OXR1: variants seen among roughly 807,000 people sequenced by gnomAD.
OXR1 encodes the protein oxidation resistance protein 1.
A neutral mutation model predicts 104.6 loss-of-function variants in OXR1; 41 were observed. The observed-to-expected ratio is 0.39, with a 90% CI of 0.31 to 0.51. The LOEUF (loss-of-function observed/expected upper bound fraction) is 0.51, where lower values mean the gene tolerates loss of function less well. Among genes scored for constraint, OXR1 ranks in the 20% least tolerant of loss-of-function variants. The pLI is 0.77. For missense variants in OXR1, 955 were observed against 1,031.9 expected (o/e 0.93, Z 1.02); for synonymous variants, 348 against 348.4 (o/e 1.00, Z 0.01).
chr8:106,428,368 G>T (rs1819218813), intron 2 of OXR1, among the ~76,000 whole-genome samples: 1 of 152,188 alleles, frequency 6.6e-6, no homozygotes, highest in Admixed American at 6.5e-5. Flanking sequence ...TTTCCAAAAA[G>T]ACTTTTACCA....
intron 6 of OXR1, among the ~76,000 whole-genome samples, chr8:106,692,525 G>A (rs1829409726): frequency 6.6e-6 from 1 of 152,028 alleles, no homozygotes; most frequent in African/African-American, 2.4e-5. Context: ...TTTAACCTGT[G>A]TTTGTGATCT....
At chr8:106,645,966 C>CGAAA in intron 3 of OXR1, among the ~76,000 whole-genome samples, 1 of 152,166 alleles carries the variant, frequency 6.6e-6, no homozygotes, top group Admixed American at 6.5e-5. Flanking sequence ...CAGTTATAGA[C>CGAAA]TTTCCCCCAA....
intron 13 of OXR1, among the ~76,000 whole-genome samples, 183 bp downstream of exon 13, chr8:106,739,766 A>C (rs1298891703): frequency 6.6e-6 from 1 of 152,220 alleles, no homozygotes; most frequent in African/African-American, 2.4e-5. Context: ...AGATTTAGGT[A>C]AGCAGACACT....
intron 2 of OXR1, among the ~76,000 whole-genome samples, chr8:106,496,044 T>TA (rs1319040781): frequency 6.6e-6 from 1 of 152,152 alleles, no homozygotes; most frequent in African/African-American, 2.4e-5. Context: ...AGAGGTTAAT[T>TA]AAAAAACGGA....
chr8:106,338,023 A>G (rs1664085718), intron 1 of OXR1, among the ~76,000 whole-genome samples: 1 of 152,224 alleles, frequency 6.6e-6, no homozygotes, highest in Admixed American at 6.5e-5. Context: ...ATTTACAAGT[A>G]TAATTCATGA....
chr8:106,620,105 T>G (rs1271606516), intron 3 of OXR1, among the ~76,000 whole-genome samples: 1 of 152,200 alleles, frequency 6.6e-6, no homozygotes. Flanking sequence ...TTATGCATTT[T>G]GCTTCATTGT....
At chr8:106,709,531 C>A (rs1346837833) in intron 9 of OXR1, among the ~76,000 whole-genome samples, 2 of 151,634 alleles carry the variant, frequency 1.3e-5, no homozygotes, top group Non-Finnish European at 2.9e-5. Flanking sequence ...TATTATAAAA[C>A]CTTTGAAAAA....
At chr8:106,536,331 G>T (rs1402609407) in intron 3 of OXR1, among the ~76,000 whole-genome samples, 3 of 152,056 alleles carry the variant, frequency 2.0e-5, no homozygotes, top group Non-Finnish European at 4.4e-5. Context: ...CAAATGATGT[G>T]GCTGTGCTCT....
At chr8:106,666,855 A>G (rs55747837) in intron 3 of OXR1, among the ~76,000 whole-genome samples, 1,745 of 152,292 alleles carry the variant, frequency 0.011, 41 homozygotes, top group African/African-American at 0.039. Flanking sequence ...TTTTATAAGG[A>G]AGTGAACAGA....
intron 2 of OXR1, among the ~76,000 whole-genome samples, chr8:106,395,474 A>G (rs1044409902): frequency 3.3e-5 from 5 of 152,178 alleles, no homozygotes; most frequent in Admixed American, 2.6e-4. Context: ...GAAACCCCAG[A>G]TAAACCCATT....
intron 3 of OXR1, among the ~76,000 whole-genome samples, chr8:106,593,425 A>G (rs185274038): frequency 2.6e-5 from 4 of 152,326 alleles, no homozygotes; most frequent in Admixed American, 2.0e-4. Flanking sequence ...ACAGCACATC[A>G]CATCTAGCAA....
At chr8:106,571,643 C>T (rs905953456) in intron 3 of OXR1, among the ~76,000 whole-genome samples, 1 of 152,088 alleles carries the variant, frequency 6.6e-6, no homozygotes, top group Non-Finnish European at 1.5e-5. Context: ...ATTCCAAGAT[C>T]AACTCTAATG....
At chr8:106,425,939 G>T (rs1475141426) in intron 2 of OXR1, among the ~76,000 whole-genome samples, 1 of 152,180 alleles carries the variant, frequency 6.6e-6, no homozygotes, top group Non-Finnish European at 1.5e-5. Flanking sequence ...TGCAGAGGAG[G>T]TATGTAAGGA....
chr8:106,288,586 A>G (rs1314337349), intron 1 of OXR1, among the ~76,000 whole-genome samples: 1 of 137,452 alleles, frequency 7.3e-6, no homozygotes, highest in Non-Finnish European at 1.5e-5. Flanking sequence ...ATATGTATAT[A>G]CACACCATAT....
rs757563622 is a variant in OXR1, at chr8:106,412,641, A to G, written c.23+53005A>G. ...GTCAGGATTTTAGACCCAAAACTTTATTCTCAAATAAAATTATGTTTATGA... is the reference window on the plus strand; with the variant it reads ...GTCAGGATTTTAGACCCAAAACTTTGTTCTCAAATAAAATTATGTTTATGA... On this transcript the variant is annotated intron_variant, in intron 2 of 16. Coordinates refer to ENST00000517566, the MANE Select transcript of OXR1 (RefSeq NM_001198533.2). Among the ~76,000 whole-genome samples, 45 of 152,108 alleles carry G rather than the reference A, an allele frequency of 3.0e-4. 1 individual carries two copies. The highest frequency in any genetic ancestry group is 6.2e-4 in the Non-Finnish European group (42 of 68,002).
chr8:106,570,755 C>T (rs1817415451), intron 3 of OXR1, among the ~76,000 whole-genome samples: 1 of 152,118 alleles, frequency 6.6e-6, no homozygotes, highest in Admixed American at 6.6e-5. Context: ...CAGGTTTCTT[C>T]CTGATTAAGC....
chr8:106,446,197 AACT>A (rs1192378304), intron 2 of OXR1, among the ~76,000 whole-genome samples: 1 of 152,228 alleles, frequency 6.6e-6, no homozygotes, highest in Non-Finnish European at 1.5e-5. Flanking sequence ...TTAACAAATA[AACT>A]TGTAGTCTAA....
intron 1 of OXR1, among the ~76,000 whole-genome samples, chr8:106,348,762 G>C (rs1020245382): frequency 6.6e-6 from 1 of 152,120 alleles, no homozygotes; most frequent in Non-Finnish European, 1.5e-5. Flanking sequence ...TTTTGGGCTA[G>C]TTCCAAGTGA....
chr8:106,402,803 ATTTC>A (rs945729054), intron 2 of OXR1, among the ~76,000 whole-genome samples: 50 of 151,808 alleles, frequency 3.3e-4, no homozygotes, highest in African/African-American at 1.2e-3. Flanking sequence ...AAAGGGTCCT[ATTTC>A]TTTCTTTCTT....
Sources: allele counts gnomAD v4.1 joint callset (sites outside exome capture counted in the v4.1 genomes callset), GRCh38; gene constraint gnomAD v4.1.1; transcripts MANE v1.5; gene names NCBI Gene and HGNC (gene_info 2026-07-23, HGNC 2026-07-21).